Variants in SPOCK3 observed in about 807,000 individuals in gnomAD.
SPOCK3 encodes the protein testican-3.
A neutral mutation model predicts 56.6 loss-of-function variants in SPOCK3; 30 were observed. That is an observed-to-expected ratio of 0.53 (90% CI 0.40 to 0.72). The LOEUF is 0.72. Among genes scored for constraint, SPOCK3 ranks in the 30% least tolerant of loss-of-function variants. SPOCK3 has a pLI of 0.00. For missense variants in SPOCK3, 527 were observed against 530.0 expected, an observed-to-expected ratio of 0.99 and a Z score of 0.06; for synonymous variants, 196 against 183.3, an observed-to-expected ratio of 1.07 and a Z score of -0.56.
chr4:167,018,552 A>G (rs1257902978), intron 3 of SPOCK3, among the ~76,000 whole-genome samples: 1 of 152,104 alleles, frequency 6.6e-6, no homozygotes, highest in Non-Finnish European at 1.5e-5. Flanking sequence ...TCGATGACCA[A>G]TGCTCAATTG....
intron 3 of SPOCK3, among the ~76,000 whole-genome samples, chr4:167,052,643 G>T (rs1754344131): frequency 6.6e-6 from 1 of 152,080 alleles, no homozygotes; most frequent in Non-Finnish European, 1.5e-5. Flanking sequence ...CTAGAAAAAT[G>T]CCAAAAGTCC....
intron 2 of SPOCK3, among the ~76,000 whole-genome samples, chr4:167,199,197 T>G (rs1733256905): frequency 6.6e-6 from 1 of 151,684 alleles, no homozygotes; most frequent in African/African-American, 2.4e-5. Flanking sequence ...GTATATTAGT[T>G]ATGATCCTCA....
intron 4 of SPOCK3, among the ~76,000 whole-genome samples, chr4:166,944,735 A>T (rs529856527): frequency 1.3e-5 from 2 of 150,430 alleles, no homozygotes; most frequent in African/African-American, 4.9e-5. Context: ...CTCATAATTT[A>T]TTTTTTCCTT....
chr4:166,897,746 C>T (rs568619523), intron 5 of SPOCK3, among the ~76,000 whole-genome samples: 15 of 152,180 alleles, frequency 9.9e-5, no homozygotes, highest in South Asian at 6.2e-4. Context: ...TTTTTGGCAA[C>T]GATGATGAGA....
At chr4:167,195,495 T>C (rs1732854776) in intron 2 of SPOCK3, among the ~76,000 whole-genome samples, 1 of 152,160 alleles carries the variant, frequency 6.6e-6, no homozygotes. Flanking sequence ...TTAGTGGGCC[T>C]GCATCTGAGG....
At chr4:167,000,557 A>G (rs1243490510) in intron 3 of SPOCK3, 94 bp from the exon 4 acceptor site, 3 of 606,742 alleles carry the variant, frequency 4.9e-6, no homozygotes, top group Non-Finnish European at 8.7e-6. Context: ...CATTTACATA[A>G]TGCTTAATTG....
At chr4:167,017,316 C>T (rs1327941727) in intron 3 of SPOCK3, among the ~76,000 whole-genome samples, 1 of 152,032 alleles carries the variant, frequency 6.6e-6, no homozygotes, top group Non-Finnish European at 1.5e-5. Flanking sequence ...TCTTAATAAC[C>T]TTGGGAGGAG....
At chr4:167,062,599 A>G (rs2150247384) in intron 2 of SPOCK3, 62 bp from the exon 3 acceptor site, 1 of 1,296,506 alleles carries the variant, frequency 7.7e-7, no homozygotes, top group African/African-American at 1.5e-5. Context: ...GGGTTCATAT[A>G]AAATCTAAAA....
intron 4 of SPOCK3, among the ~76,000 whole-genome samples, chr4:166,947,976 A>G (rs1741987403): frequency 6.6e-6 from 1 of 152,098 alleles, no homozygotes; most frequent in Non-Finnish European, 1.5e-5. Flanking sequence ...TCTCCCAACT[A>G]ACTGTAACTT....
chr4:166,781,458 A>G (rs1333619686), intron 7 of SPOCK3, among the ~76,000 whole-genome samples: 1 of 151,998 alleles, frequency 6.6e-6, no homozygotes, highest in Non-Finnish European at 1.5e-5. Flanking sequence ...AGAGAAGACA[A>G]AGGAGGAAGA....
intron 2 of SPOCK3, among the ~76,000 whole-genome samples, chr4:167,146,308 A>T (rs1436461479): frequency 1.3e-5 from 2 of 152,140 alleles, no homozygotes; most frequent in African/African-American, 4.8e-5. Context: ...CAGATTCATA[A>T]AGCAAGTTCT....
chr4:166,996,279 T>C (rs1273896476), intron 4 of SPOCK3, among the ~76,000 whole-genome samples: 2 of 152,174 alleles, frequency 1.3e-5, no homozygotes, highest in Non-Finnish European at 2.9e-5. Context: ...CTCTGTCTTA[T>C]TATGCCAAAC....
At chr4:166,792,111 C>A (rs998191043) in intron 7 of SPOCK3, 59 bp downstream of exon 7, 59 of 1,594,490 alleles carry the variant, frequency 3.7e-5, no homozygotes, top group Non-Finnish European at 5.1e-5. Flanking sequence ...CTAAGTGGTT[C>A]ATTGGAAATA....
chr4:167,079,215 A>T (rs1464890373), intron 2 of SPOCK3, among the ~76,000 whole-genome samples: 1 of 152,056 alleles, frequency 6.6e-6, no homozygotes, highest in Non-Finnish European at 1.5e-5. Flanking sequence ...ACACAGAACT[A>T]AACCTTATTT....
intron 2 of SPOCK3, among the ~76,000 whole-genome samples, chr4:167,193,582 C>T (rs1732662601): frequency 6.9e-6 from 1 of 145,888 alleles, no homozygotes; most frequent in South Asian, 2.1e-4. Context: ...ATTACAGTAT[C>T]AGAATATCCC....
chr4:167,096,238 T>C (rs996002348), intron 2 of SPOCK3, among the ~76,000 whole-genome samples: 2 of 151,976 alleles, frequency 1.3e-5, no homozygotes, highest in African/African-American at 4.8e-5. Context: ...AACTATATTT[T>C]AATAAACTTT....
intron 2 of SPOCK3, among the ~76,000 whole-genome samples, chr4:167,107,198 G>A (rs183363249): frequency 1.1e-4 from 17 of 151,644 alleles, no homozygotes; most frequent in African/African-American, 3.9e-4. Context: ...AGATACATAA[G>A]TAAAAGAAAA....
At chr4:166,904,047 T>C (rs1172263647) in intron 5 of SPOCK3, among the ~76,000 whole-genome samples, 1 of 151,968 alleles carries the variant, frequency 6.6e-6, no homozygotes, top group Non-Finnish European at 1.5e-5. Flanking sequence ...TATTAGTTGT[T>C]GATATAAAAT....
rs375196192 is a variant in SPOCK3, at chr4:167,016,855, T to C, written c.236-16392A>G. Among the ~76,000 whole-genome samples, 6 of 152,222 alleles carry C rather than the reference T, an allele frequency of 3.9e-5. No homozygotes were observed. The East Asian group carries it at 7.8e-4, about 20-fold the overall frequency. ...ACGGCTGAACTTGCAAGTTAATTAC[T>C]TTGAGATGCAAAGCTTTGGAAGTGT... On this transcript the variant is annotated intron_variant, in intron 3 of 10. Coordinates refer to ENST00000357545, the MANE Select transcript of SPOCK3 (RefSeq NM_001040159.2).
Sources: allele counts gnomAD v4.1 joint callset (sites outside exome capture counted in the v4.1 genomes callset), GRCh38; gene constraint gnomAD v4.1.1; transcripts MANE v1.5; gene names NCBI Gene and HGNC (gene_info 2026-07-23, HGNC 2026-07-21).